Variants in LARP1B observed in about 807,000 individuals in gnomAD.
LARP1B encodes la-related protein 1B.
In LARP1B, 76 loss-of-function variants were observed where a neutral mutation model predicts 114.2. That is an observed-to-expected ratio of 0.67 (90% CI 0.55 to 0.81). LARP1B has a LOEUF of 0.81. LARP1B is among the 30% of genes least tolerant of loss of function. The pLI, the probability that LARP1B is intolerant of heterozygous loss-of-function variation, is 0.00. For synonymous variants in LARP1B, 345 were observed against 348.0 expected (o/e 0.99, Z 0.10); for missense variants, 1,014 against 1,075.8 (o/e 0.94, Z 0.80).
intron 1 of LARP1B, among the ~76,000 whole-genome samples, chr4:128,073,572 GTTTTTTTTT>G (rs568197117): frequency 5.0e-5 from 2 of 39,994 alleles, no homozygotes; most frequent in African/African-American, 8.8e-5. Context: ...TATTGTTGTC[GTTTTTTTTT>G]TTTTTTTTTT....
At chr4:128,216,672 A>T (rs9801493), downstream of LARP1B, among the ~76,000 whole-genome samples, 88,202 of 146,702 alleles carry the variant, frequency 0.6, 28,351 homozygotes, top group Middle Eastern at 0.8. Context: ...TATAGCACTA[A>T]ATGCCTACAA....
At chr4:128,098,765 ATATTTTTTT>A (rs1195442935) in intron 8 of LARP1B, among the ~76,000 whole-genome samples, 3 of 32,840 alleles carry the variant, frequency 9.1e-5, no homozygotes, top group East Asian at 9.7e-4. Flanking sequence ...ATATATATAT[ATATTTTTTT>A]TTTTTTTTTT....
intron 12 of LARP1B, among the ~76,000 whole-genome samples, chr4:128,170,872 CTTTTTTTTT>C (rs70966085): frequency 5.3e-5 from 5 of 95,016 alleles, no homozygotes; most frequent in Non-Finnish European, 1.1e-4. Context: ...TTTTTCTTTT[CTTTTTTTTT>C]TTTTTTTTGG....
At chr4:128,142,788 G>A (rs565666029) in intron 11 of LARP1B, among the ~76,000 whole-genome samples, 9 of 152,046 alleles carry the variant, frequency 5.9e-5, no homozygotes, top group South Asian at 4.2e-4. Flanking sequence ...GATTACAGGC[G>A]TGAGCCACTG....
chr4:128,155,375 C>T (rs896021769), intron 11 of LARP1B: 3 of 581,032 alleles, frequency 5.2e-6, no homozygotes, highest in Non-Finnish European at 9.2e-6. Flanking sequence ...CACGCGGAGC[C>T]GCCAGCCCGG....
intron 12 of LARP1B, among the ~76,000 whole-genome samples, chr4:128,173,277 A>G (rs368499686): frequency 1.3e-5 from 2 of 152,128 alleles, no homozygotes; most frequent in South Asian, 4.1e-4. Context: ...CGCTGTTTTT[A>G]TGCTACAAAA....
intron 11 of LARP1B, among the ~76,000 whole-genome samples, chr4:128,146,310 A>G (rs907228364): frequency 3.3e-5 from 5 of 152,226 alleles, no homozygotes; most frequent in African/African-American, 1.2e-4. Flanking sequence ...AGAAATGAAG[A>G]TGATTTTAAA....
chr4:128,121,677 T>C (rs1428032431), intron 10 of LARP1B, 149 bp from the exon 11 acceptor site: 1 of 556,118 alleles, frequency 1.8e-6, no homozygotes, highest in East Asian at 3.0e-5. Flanking sequence ...GCCAAAATAA[T>C]ACTCACTTGA....
chr4:128,118,655 A>G (rs566844916), intron 10 of LARP1B, among the ~76,000 whole-genome samples: 1 of 151,978 alleles, frequency 6.6e-6, no homozygotes, highest in East Asian at 1.9e-4. Context: ...GACCTCCTTG[A>G]TAGATCATCT....
At position 128,222,318 on chromosome 4, in the gene LARP1B, T is replaced by C. The variant is rs1308738302; in HGVS notation, n.935-31T>C. On this transcript the variant is annotated intron_variant and non_coding_transcript_variant, in intron 7 of 7. Coordinates refer to the LARP1B transcript ENST00000503725. ...CAGTTTTAGTTCTTTCCCTTTGTTT[T>C]TTAACAATTTTGCTTATTATGTTTT... The C allele has an allele frequency of 1.3e-5, 6 of 456,670 alleles. No homozygotes were observed. In the East Asian group the frequency reaches 2.8e-4, roughly 21 times the overall value. 28.3% of individuals were successfully genotyped at this position (456,670 alleles called of 1,614,324 possible).
intron 11 of LARP1B, among the ~76,000 whole-genome samples, chr4:128,139,174 A>G (rs1726810555): frequency 6.6e-6 from 1 of 152,172 alleles, no homozygotes; most frequent in Admixed American, 6.6e-5. Context: ...AAAATATTTG[A>G]GGTGATTGAT....
intron 15 of LARP1B, among the ~76,000 whole-genome samples, chr4:128,187,872 T>A (rs1050118788): frequency 1.3e-5 from 2 of 152,042 alleles, no homozygotes; most frequent in Non-Finnish European, 2.9e-5. Context: ...AGTTGTGAGA[T>A]CTGGTTGTTT....
intron 11 of LARP1B, among the ~76,000 whole-genome samples, chr4:128,146,451 A>C (rs10025430): frequency 0.41 from 61,985 of 152,068 alleles, 13,747 homozygotes; most frequent in African/African-American, 0.58. Flanking sequence ...AAAGTAAAGA[A>C]GTTTTAAAAG....
chr4:128,135,808 G>A (rs1275017864), intron 11 of LARP1B, among the ~76,000 whole-genome samples: 1 of 152,052 alleles, frequency 6.6e-6, no homozygotes, highest in Non-Finnish European at 1.5e-5. Flanking sequence ...TGGGTATAGG[G>A]TTTTATTTTT....
intron 17 of LARP1B, among the ~76,000 whole-genome samples, chr4:128,204,185 G>C (rs990195143): frequency 1.6e-4 from 24 of 151,184 alleles, no homozygotes; most frequent in African/African-American, 5.8e-4. Flanking sequence ...TGATTTACTT[G>C]ATAAAAACCA....
intron 15 of LARP1B, among the ~76,000 whole-genome samples, chr4:128,190,305 C>A (rs1023157602): frequency 4.2e-4 from 64 of 152,074 alleles, no homozygotes; most frequent in African/African-American, 1.5e-3. Context: ...AGTCTCTTGC[C>A]AAAAAAATCA....
At chr4:128,154,172 T>C (rs915707051) in intron 11 of LARP1B, among the ~76,000 whole-genome samples, 3 of 152,206 alleles carry the variant, frequency 2.0e-5, no homozygotes, top group African/African-American at 7.2e-5. Flanking sequence ...GGCAAGGCTT[T>C]GTATAAGACA....
At chr4:128,111,804 C>G (rs1288169217) in intron 9 of LARP1B, among the ~76,000 whole-genome samples, 1 of 152,028 alleles carries the variant, frequency 6.6e-6, no homozygotes, top group Admixed American at 6.6e-5. Flanking sequence ...GCCTCATCCT[C>G]CCAAGTAGCT....
chr4:128,153,292 CATTTATTTATTTATTTATTT>C (rs36202530), intron 11 of LARP1B, among the ~76,000 whole-genome samples: 7 of 140,888 alleles, frequency 5.0e-5, no homozygotes, highest in South Asian at 2.4e-4. Flanking sequence ...CTTGGTTTGC[CATTTATTTATTTATTTATTT>C]ATTTATTTAT....
Sources: allele counts gnomAD v4.1 joint callset (sites outside exome capture counted in the v4.1 genomes callset), GRCh38; gene constraint gnomAD v4.1.1; transcripts MANE v1.5; gene names NCBI Gene and HGNC (gene_info 2026-07-23, HGNC 2026-07-21).